VTI1A: variants seen among roughly 807,000 people sequenced by gnomAD.
VTI1A encodes vesicle transport through interaction with t-SNAREs homolog 1A.
Under a neutral mutation model 34.9 loss-of-function variants are expected in VTI1A, and 22 were observed. The ratio of observed to expected loss-of-function variants is 0.63; its 90% CI spans 0.45 to 0.90. The LOEUF is 0.90. Ranked by LOEUF, VTI1A falls within the 40% of genes least tolerant of loss-of-function variation. The pLI is 0.00. For missense variants in VTI1A, 268 were observed against 275.6 expected (o/e 0.97, Z 0.20); for synonymous variants, 87 against 97.3 (o/e 0.89, Z 0.62).
chr10:112,800,123 T>C (rs909747871), intron 7 of VTI1A, among the ~76,000 whole-genome samples: 1 of 152,146 alleles, frequency 6.6e-6, no homozygotes, highest in African/African-American at 2.4e-5. Context: ...GTGGTAAGTA[T>C]CGAATGTCAG....
chr10:112,795,431 C>CTTTTTTTTTTTTTTTTTTTTTT (rs35159993), intron 7 of VTI1A, among the ~76,000 whole-genome samples: 1 of 123,990 alleles, frequency 8.1e-6, no homozygotes, highest in African/African-American at 3.1e-5. Flanking sequence ...CCCTATTACT[C>CTTTTTTTTTTTTTTTTTTTTTT]TTTTTTTTTT....
At chr10:112,673,713 C>T (rs909652478) in intron 7 of VTI1A, among the ~76,000 whole-genome samples, 2 of 152,214 alleles carry the variant, frequency 1.3e-5, no homozygotes, top group African/African-American at 4.8e-5. Context: ...GGAATCATTG[C>T]CACCTATCAT....
rs67154330 is a variant in VTI1A, at chr10:112,811,712, A to AAAAAAAAAAAAAAAAAAAAAGAT, written c.561-3578_561-3577insAAAAAAAAAAAAAAAAAAAAGAT. On this transcript the variant is annotated intron_variant, in intron 7 of 7. Coordinates refer to ENST00000393077, the MANE Select transcript of VTI1A (RefSeq NM_145206.4). ...AAAAAAAAAAAAAAAAAAAAAAAAA[A>AAAAAAAAAAAAAAAAAAAAAGAT]GAGTGCAGTCCATGCCTGGAAGTAG... Among the ~76,000 whole-genome samples, 7 of 84,046 alleles carry AAAAAAAAAAAAAAAAAAAAAGAT rather than the reference A, an allele frequency of 8.3e-5. 2 individuals are homozygous for AAAAAAAAAAAAAAAAAAAAAGAT. The highest frequency in any genetic ancestry group is 2.8e-4 in the African/African-American group (6 of 21,078). 55.1% of individuals were successfully genotyped at this position (84,046 alleles called of 152,430 possible). A position where few individuals can be genotyped will look rare whatever the true frequency, so the allele number is the denominator to read the frequency against.
At chr10:112,485,030 C>T (rs1462912984) in intron 3 of VTI1A, 1 of 151,884 alleles carries the variant, frequency 6.6e-6, no homozygotes, top group Non-Finnish European at 1.5e-5. Flanking sequence ...CCTGTAATCC[C>T]AGCACTTTGG....
chr10:112,492,514 G>A (rs1238925450), intron 3 of VTI1A, among the ~76,000 whole-genome samples: 1 of 152,106 alleles, frequency 6.6e-6, no homozygotes. Context: ...AATTGGCCAG[G>A]CACAGTGACT....
At chr10:112,686,368 A>T (rs578228867) in intron 7 of VTI1A, among the ~76,000 whole-genome samples, 1 of 152,278 alleles carries the variant, frequency 6.6e-6, no homozygotes, top group African/African-American at 2.4e-5. Flanking sequence ...ACACTTTGAT[A>T]GGGGCAGCAT....
chr10:112,629,459 T>C (rs1846050923), intron 5 of VTI1A, among the ~76,000 whole-genome samples: 1 of 152,222 alleles, frequency 6.6e-6, no homozygotes, highest in Non-Finnish European at 1.5e-5. Context: ...ATCTGGGATT[T>C]CCCCCACATT....
chr10:112,647,008 A>C (rs1409512287), intron 5 of VTI1A, among the ~76,000 whole-genome samples: 1 of 152,048 alleles, frequency 6.6e-6, no homozygotes, highest in African/African-American at 2.4e-5. Context: ...TCTCCGTAAT[A>C]TTTATTGGCT....
At chr10:112,631,140 A>G (rs113064060) in intron 5 of VTI1A, among the ~76,000 whole-genome samples, 7 of 152,224 alleles carry the variant, frequency 4.6e-5, no homozygotes, top group Admixed American at 3.9e-4. Flanking sequence ...AAAAAAAAAA[A>G]GCAGTATGAA....
chr10:112,728,726 A>G lies in VTI1A; in HGVS notation c.560+59728A>G, dbSNP rs117335314. Among the ~76,000 whole-genome samples, 449 of 152,316 alleles carry G rather than the reference A, an allele frequency of 2.9e-3. 2 individuals are homozygous for G. Among genetic ancestry groups the G allele is most frequent in the Middle Eastern group, 6.8e-3 (2 of 294 alleles). ...AGGCTACCCCTAGTGTTCTCGGACA[A>G]TATCTAACAACAAATGTTCACTGCA... On this transcript the variant is annotated intron_variant, in intron 7 of 7. Coordinates refer to ENST00000393077, the MANE Select transcript of VTI1A (RefSeq NM_145206.4).
chr10:112,625,106 A>C (rs566928161), intron 5 of VTI1A, among the ~76,000 whole-genome samples: 109 of 152,316 alleles, frequency 7.2e-4, no homozygotes, highest in African/African-American at 2.2e-3. Context: ...TCAAAAAAAT[A>C]AAAAAAGTAT....
At chr10:112,733,299 A>G (rs563103924) in intron 7 of VTI1A, among the ~76,000 whole-genome samples, 21 of 152,278 alleles carry the variant, frequency 1.4e-4, no homozygotes, top group Admixed American at 1.2e-3. Context: ...CAGTATATTT[A>G]CAATGTTATG....
chr10:112,793,142 G>T (rs1290057938), intron 7 of VTI1A, among the ~76,000 whole-genome samples: 1 of 152,230 alleles, frequency 6.6e-6, no homozygotes, highest in Admixed American at 6.5e-5. Flanking sequence ...GCTGCGGACA[G>T]ACCAGGAGTA....
chr10:112,471,806 A>C (rs1319098157), intron 3 of VTI1A, among the ~76,000 whole-genome samples: 1 of 152,196 alleles, frequency 6.6e-6, no homozygotes, highest in Non-Finnish European at 1.5e-5. Flanking sequence ...AAGAGGAAAA[A>C]AAAAAATGTA....
chr10:112,736,037 A>G lies in VTI1A; in HGVS notation c.560+67039A>G, dbSNP rs547400592. Among the ~76,000 whole-genome samples the G allele has an allele frequency of 5.4e-5, 8 of 147,334 alleles. No homozygotes were observed. The South Asian group carries it at 1.7e-3, about 31-fold the overall frequency. ...TAAAACATATTTTATATTTATATAT[A>G]GTATATGTTTATATACTGTATAATA... On this transcript the variant is annotated intron_variant, in intron 7 of 7. Coordinates refer to ENST00000393077, the MANE Select transcript of VTI1A (RefSeq NM_145206.4).
At chr10:112,573,289 A>T (rs1401754207) in intron 5 of VTI1A, among the ~76,000 whole-genome samples, 1 of 152,154 alleles carries the variant, frequency 6.6e-6, no homozygotes, top group Admixed American at 6.5e-5. Context: ...TCCGAAATAA[A>T]CTAAGCAACT....
At chr10:112,448,865 C>T (rs907369151) in intron 1 of VTI1A, 6 of 152,076 alleles carry the variant, frequency 3.9e-5, no homozygotes, top group African/African-American at 1.5e-4. Flanking sequence ...TTCCCCTCAC[C>T]TATTTTCTGT....
chr10:112,705,363 C>T (rs1427742282), intron 7 of VTI1A, among the ~76,000 whole-genome samples: 1 of 152,142 alleles, frequency 6.6e-6, no homozygotes, highest in Admixed American at 6.5e-5. Flanking sequence ...ATTTCAGCAA[C>T]AGAACAGGCA....
chr10:112,619,520 C>G (rs7078027), intron 5 of VTI1A, among the ~76,000 whole-genome samples: 83,861 of 152,022 alleles, frequency 0.55, 23,501 homozygotes, highest in Admixed American at 0.65. Flanking sequence ...ACCTGGGAGG[C>G]CCCCAAGCGA....
Sources: gnomAD v4.1 joint callset for allele counts (sites outside exome capture counted in the v4.1 genomes callset) on GRCh38, gnomAD v4.1.1 for gene constraint, MANE v1.5 for transcripts, NCBI Gene and HGNC (gene_info 2026-07-23, HGNC 2026-07-21) for gene names.